Variants in TAFA1 observed in about 807,000 individuals in gnomAD.
TAFA1 encodes chemokine-like protein TAFA-1.
In TAFA1, 4 loss-of-function variants were observed where a neutral mutation model predicts 18.5. That is an observed-to-expected ratio of 0.22 (90% CI 0.11 to 0.49). The LOEUF is 0.49. Ranked by LOEUF, TAFA1 falls within the 20% of genes least tolerant of loss-of-function variation. TAFA1 has a pLI of 0.98. For synonymous variants in TAFA1, 56 were observed against 55.2 expected (o/e 1.01, Z -0.06); for missense variants, 147 against 169.0 (o/e 0.87, Z 0.72).
intron 2 of TAFA1, among the ~76,000 whole-genome samples, chr3:68,291,678 ATG>A (rs2068111947): frequency 6.8e-6 from 1 of 148,094 alleles, no homozygotes; most frequent in South Asian, 2.4e-4. Context: ...ATAACATAGA[ATG>A]TTCATTCCCC....
At chr3:68,115,588 C>A (rs1245382727) in intron 2 of TAFA1, among the ~76,000 whole-genome samples, 2 of 152,144 alleles carry the variant, frequency 1.3e-5, no homozygotes, top group East Asian at 1.9e-4. Flanking sequence ...TGAGTAGCAA[C>A]CCACATTAGC....
At chr3:68,105,326 C>T (rs945216635) in intron 2 of TAFA1, among the ~76,000 whole-genome samples, 1 of 152,062 alleles carries the variant, frequency 6.6e-6, no homozygotes, top group East Asian at 1.9e-4. Flanking sequence ...CATAGAGTCC[C>T]CTAACATTTG....
chr3:68,052,174 T>C (rs1345339554), intron 2 of TAFA1, among the ~76,000 whole-genome samples: 2 of 152,154 alleles, frequency 1.3e-5, no homozygotes, highest in East Asian at 1.9e-4. Context: ...ACTGGAGTGA[T>C]TGTTAATAGC....
intron 3 of TAFA1, among the ~76,000 whole-genome samples, chr3:68,495,911 G>A (rs144939936): frequency 6.7e-5 from 10 of 149,394 alleles, no homozygotes; most frequent in South Asian, 6.4e-4. Flanking sequence ...TTTCAGAAGC[G>A]TCCTTTGAAG....
intron 2 of TAFA1, among the ~76,000 whole-genome samples, chr3:68,116,845 T>C (rs1258578740): frequency 2.0e-5 from 3 of 152,198 alleles, no homozygotes; most frequent in African/African-American, 4.8e-5. Context: ...CAAAGTTGTA[T>C]TGGAACACAG....
intron 2 of TAFA1, among the ~76,000 whole-genome samples, chr3:68,367,351 A>C (rs73101136): frequency 0.022 from 3,398 of 152,256 alleles, 55 homozygotes; most frequent in Middle Eastern, 0.048. Flanking sequence ...ATAAAATGTG[A>C]AAGATCTCTT....
At chr3:68,381,049 T>C (rs1424899496) in intron 2 of TAFA1, among the ~76,000 whole-genome samples, 1 of 104,662 alleles carries the variant, frequency 9.6e-6, no homozygotes, top group Non-Finnish European at 2.0e-5. Context: ...TTGCTTGTTT[T>C]TGTCAGGTTT....
chr3:68,393,779 T>C (rs1373881862), intron 2 of TAFA1, among the ~76,000 whole-genome samples: 1 of 151,930 alleles, frequency 6.6e-6, no homozygotes, highest in Non-Finnish European at 1.5e-5. Context: ...ATTATCTCAA[T>C]AGATGCAAAA....
intron 2 of TAFA1, among the ~76,000 whole-genome samples, chr3:68,239,388 C>T (rs1290379490): frequency 1.3e-5 from 2 of 152,110 alleles, no homozygotes; most frequent in African/African-American, 4.8e-5. Context: ...TTCTATTTAT[C>T]AATTCATTCT....
chr3:68,445,024 A>G (rs6801600), intron 3 of TAFA1, among the ~76,000 whole-genome samples: 4 of 151,960 alleles, frequency 2.6e-5, no homozygotes, highest in Admixed American at 2.0e-4. Context: ...TTCAAAAAGA[A>G]TATGGACAGT....
chr3:68,163,297 G>A (rs1446395981), intron 2 of TAFA1, among the ~76,000 whole-genome samples: 1 of 152,138 alleles, frequency 6.6e-6, no homozygotes, highest in East Asian at 1.9e-4. Flanking sequence ...CTGGGAGTTA[G>A]CCAACATTAT....
chr3:68,499,470 G>T, intron 3 of TAFA1, among the ~76,000 whole-genome samples: 1 of 123,698 alleles, frequency 8.1e-6, no homozygotes, highest in South Asian at 2.6e-4. Flanking sequence ...TTTTTGAGAA[G>T]ACATGCTACA....
intron 2 of TAFA1, among the ~76,000 whole-genome samples, chr3:68,279,038 A>T (rs952626220): frequency 6.6e-6 from 1 of 152,146 alleles, no homozygotes; most frequent in East Asian, 1.9e-4. Flanking sequence ...CTGCTGGATC[A>T]TAGACTAAAT....
At chr3:68,417,137 A>G in intron 2 of TAFA1, 143 bp from the exon 3 acceptor site, 1 of 645,554 alleles carries the variant, frequency 1.5e-6, no homozygotes, top group East Asian at 2.7e-5. Context: ...GTAGTAGAAG[A>G]GAGTCCTGTT....
chr3:68,335,216 T>C (rs543270762), intron 2 of TAFA1, among the ~76,000 whole-genome samples: 1 of 152,246 alleles, frequency 6.6e-6, no homozygotes, highest in Non-Finnish European at 1.5e-5. Flanking sequence ...TGATAGAATT[T>C]GCAGCTGAAA....
At chr3:68,218,051 A>G (rs2066680970) in intron 2 of TAFA1, among the ~76,000 whole-genome samples, 1 of 152,056 alleles carries the variant, frequency 6.6e-6, no homozygotes, top group Admixed American at 6.6e-5. Flanking sequence ...GATCTTTATG[A>G]CAAATGGATC....
chr3:68,364,337 A>G (rs1262056246), intron 2 of TAFA1, among the ~76,000 whole-genome samples: 1 of 152,200 alleles, frequency 6.6e-6, no homozygotes, highest in Non-Finnish European at 1.5e-5. Context: ...GTGATTCGTC[A>G]CAGGAAACTT....
intron 4 of TAFA1, among the ~76,000 whole-genome samples, chr3:68,539,693 T>G (rs1303846253): frequency 0.1 from 1,801 of 17,698 alleles, 1 homozygote; most frequent in Admixed American, 0.11. Flanking sequence ...GGGCATGGGG[T>G]GGGTGGGTGG....
chr3:68,435,236 C>T (rs988824650), intron 3 of TAFA1, among the ~76,000 whole-genome samples: 7 of 152,028 alleles, frequency 4.6e-5, no homozygotes, highest in African/African-American at 1.2e-4. Flanking sequence ...AAAAGCCCAG[C>T]ATCAACAAGA....
Sources: gnomAD v4.1 joint callset for allele counts (sites outside exome capture counted in the v4.1 genomes callset) on GRCh38, gnomAD v4.1.1 for gene constraint, MANE v1.5 for transcripts, NCBI Gene and HGNC (gene_info 2026-07-23, HGNC 2026-07-21) for gene names.